The following NIBAN1 variants were observed in gnomAD, a reference collection of about 807,000 sequenced individuals.
NIBAN1 encodes the protein niban apoptosis regulator 1.
In NIBAN1, 81 loss-of-function variants were observed where a neutral mutation model predicts 75.1. That is an observed-to-expected ratio of 1.08 (90% CI 0.90 to 1.30). The LOEUF is 1.30. Ranked by LOEUF, NIBAN1 falls within the 50% of genes most tolerant of loss-of-function variation. NIBAN1 has a pLI of 0.00. For synonymous variants in NIBAN1, 436 were observed against 424.8 expected, an observed-to-expected ratio of 1.03 and a Z score of -0.32; for missense variants, 1,133 against 1,128.1, an observed-to-expected ratio of 1.00 and a Z score of -0.06.
chr1:184,860,301 G>C (rs1189895972), intron 5 of NIBAN1, among the ~76,000 whole-genome samples: 1 of 152,000 alleles, frequency 6.6e-6, no homozygotes, highest in African/African-American at 2.4e-5. Flanking sequence ...GACGGGGGCA[G>C]ATCTACCTCA....
intron 5 of NIBAN1, among the ~76,000 whole-genome samples, chr1:184,862,309 TA>T (rs1335104327): frequency 6.6e-6 from 1 of 151,786 alleles, no homozygotes; most frequent in Non-Finnish European, 1.5e-5. Flanking sequence ...AGGTTTTTCA[TA>T]CTTTTTTTTT....
At chr1:184,917,566 T>C (rs1359938770) in intron 1 of NIBAN1, among the ~76,000 whole-genome samples, 1 of 151,870 alleles carries the variant, frequency 6.6e-6, no homozygotes, top group East Asian at 1.9e-4. Context: ...TTAAACTCCC[T>C]TCTCCACCCT....
rs141211799 is a variant in NIBAN1 at position 184,818,088 on chromosome 1, T to C, written c.1173+550A>G. 3.2e-3 allele frequency among the ~76,000 whole-genome samples: 483 copies of C among 152,302 alleles called. 5 individuals carry two copies. The highest frequency in any genetic ancestry group is 0.022 in the Admixed American group (344 of 15,294). ...TTCTAGGGGCTGCCCGATTCACAAA[T>C]GGTTTGTTGCTCAATTAAACTCCTT... On this transcript the variant is annotated intron_variant, in intron 9 of 13. Coordinates refer to ENST00000367511, the MANE Select transcript of NIBAN1 (RefSeq NM_052966.4).
At chr1:184,815,784 C>T (rs548721950) in intron 9 of NIBAN1, among the ~76,000 whole-genome samples, 50 of 152,232 alleles carry the variant, frequency 3.3e-4, no homozygotes, top group African/African-American at 1.0e-3. Context: ...CTTCTTAATC[C>T]GCATCATGGA....
intron 5 of NIBAN1, among the ~76,000 whole-genome samples, chr1:184,834,987 A>G (rs1309814061): frequency 6.6e-6 from 1 of 152,196 alleles, no homozygotes; most frequent in African/African-American, 2.4e-5. Flanking sequence ...TCAAACATTT[A>G]AGTCTTTAAT....
intron 1 of NIBAN1, among the ~76,000 whole-genome samples, chr1:184,928,301 A>G (rs1368268248): frequency 6.6e-6 from 1 of 152,132 alleles, no homozygotes; most frequent in Non-Finnish European, 1.5e-5. Flanking sequence ...CAAGCTGTGC[A>G]GCCTGGGGTT....
chr1:184,967,232 T>C (rs1042988840), intron 1 of NIBAN1, among the ~76,000 whole-genome samples: 1 of 152,100 alleles, frequency 6.6e-6, no homozygotes, highest in African/African-American at 2.4e-5. Context: ...TGTGTGTGTG[T>C]GTGTGTGTGT....
At chr1:184,884,443 T>A (rs1433487807) in intron 5 of NIBAN1, among the ~76,000 whole-genome samples, 190 bp downstream of exon 5, 2 of 152,146 alleles carry the variant, frequency 1.3e-5, no homozygotes, top group African/African-American at 4.8e-5. Context: ...GTCAGGCTGG[T>A]CTCGAACTCC....
chr1:184,797,664 G>C (rs1040185944), intron 13 of NIBAN1, among the ~76,000 whole-genome samples: 4 of 151,984 alleles, frequency 2.6e-5, no homozygotes, highest in East Asian at 3.9e-4. Flanking sequence ...TTTGGTGGGT[G>C]GGGGGCAGGG....
chr1:184,791,274 C>A lies in NIBAN1; in HGVS notation c.*3703G>T. ...GATACTATTATTAAGTCAATGATGTCCTTCCCTTCTTCACATCAAAATTGC... is the reference window on the plus strand; with the variant it reads ...GATACTATTATTAAGTCAATGATGTACTTCCCTTCTTCACATCAAAATTGC... On this transcript the variant is annotated 3_prime_UTR_variant, in exon 14 of 14. Coordinates refer to ENST00000367511, the MANE Select transcript of NIBAN1 (RefSeq NM_052966.4). The A allele has an allele frequency of 4.4e-6, 1 of 227,258 alleles. No individual in the cohort carries two copies. The highest frequency in any genetic ancestry group is 4.8e-5 in the South Asian group (1 of 20,918). 14.1% of individuals were successfully genotyped at this position (227,258 alleles called of 1,614,324 possible). A position where few individuals can be genotyped will look rare whatever the true frequency, so the allele number is the denominator to read the frequency against.
chr1:184,935,928 G>A (rs571075899), intron 1 of NIBAN1, among the ~76,000 whole-genome samples: 37 of 151,604 alleles, frequency 2.4e-4, no homozygotes, highest in African/African-American at 9.0e-4. Flanking sequence ...CAGGCTCACA[G>A]GTGAAGGCAA....
At chr1:184,913,298 T>C (rs1193287723) in intron 1 of NIBAN1, among the ~76,000 whole-genome samples, 1 of 152,026 alleles carries the variant, frequency 6.6e-6, no homozygotes, top group African/African-American at 2.4e-5. Flanking sequence ...TTATACCGTT[T>C]GCACTGCCAC....
intron 1 of NIBAN1, among the ~76,000 whole-genome samples, chr1:184,956,878 T>C (rs1658504653): frequency 6.6e-6 from 1 of 152,212 alleles, no homozygotes; most frequent in Non-Finnish European, 1.5e-5. Context: ...GATAGTGTGA[T>C]GAGTGAGATA....
intron 1 of NIBAN1, among the ~76,000 whole-genome samples, chr1:184,947,616 T>C (rs1658263054): frequency 6.6e-6 from 1 of 152,228 alleles, no homozygotes; most frequent in South Asian, 2.1e-4. Flanking sequence ...CCCAGATTCC[T>C]GTATATTGAA....
At chr1:184,826,866 G>A (rs1654854974) in intron 6 of NIBAN1, among the ~76,000 whole-genome samples, 1 of 151,954 alleles carries the variant, frequency 6.6e-6, no homozygotes. Context: ...GTGGCGGGGG[G>A]GTGATATGGT....
chr1:184,942,260 C>T (rs1658108545), intron 1 of NIBAN1, among the ~76,000 whole-genome samples: 1 of 152,218 alleles, frequency 6.6e-6, no homozygotes, highest in Non-Finnish European at 1.5e-5. Context: ...CGTATCTTTC[C>T]ACTTGCTGTG....
intron 1 of NIBAN1, among the ~76,000 whole-genome samples, chr1:184,952,409 A>G (rs1658380863): frequency 6.6e-6 from 1 of 152,200 alleles, no homozygotes; most frequent in African/African-American, 2.4e-5. Flanking sequence ...TCAAAAAAAG[A>G]AAAAGAAAAA....
chr1:184,972,420 C>T (rs1658963056), intron 1 of NIBAN1, among the ~76,000 whole-genome samples: 1 of 152,236 alleles, frequency 6.6e-6, no homozygotes, highest in South Asian at 2.1e-4. Context: ...TGCTCATGCA[C>T]TAACAATGTA....
At chr1:184,823,764 A>T in intron 6 of NIBAN1, 22 bp from the exon 7 acceptor site, 1 of 1,607,890 alleles carries the variant, frequency 6.2e-7, no homozygotes. Flanking sequence ...AAGACAGCCC[A>T]GAGTCGGTCA....
Sources: gnomAD v4.1 joint callset for allele counts (sites outside exome capture counted in the v4.1 genomes callset) on GRCh38, gnomAD v4.1.1 for gene constraint, MANE v1.5 for transcripts, NCBI Gene and HGNC (gene_info 2026-07-23, HGNC 2026-07-21) for gene names.